Variants in CNTN5 observed in about 807,000 individuals in gnomAD.
CNTN5 encodes contactin 5.
Under a neutral mutation model 129.1 loss-of-function variants are expected in CNTN5, and 77 were observed. The ratio of observed to expected loss-of-function variants is 0.60; its 90% CI spans 0.50 to 0.72. CNTN5 has a LOEUF of 0.72. CNTN5 is among the 30% of genes least tolerant of loss of function. CNTN5 has a pLI of 0.00. For synonymous variants in CNTN5, 509 were observed against 465.6 expected, an observed-to-expected ratio of 1.09 and a Z score of -1.20; for missense variants, 1,478 against 1,328.8, an observed-to-expected ratio of 1.11 and a Z score of -1.75.
At chr11:99,730,235 G>T (rs1200540988) in intron 3 of CNTN5, among the ~76,000 whole-genome samples, 1 of 152,174 alleles carries the variant, frequency 6.6e-6, no homozygotes, top group Non-Finnish European at 1.5e-5. Context: ...GAATTCTGCT[G>T]GAACTGGCTT....
intron 2 of CNTN5, among the ~76,000 whole-genome samples, chr11:99,353,664 C>G (rs1350899323): frequency 6.6e-6 from 1 of 152,194 alleles, no homozygotes; most frequent in African/African-American, 2.4e-5. Flanking sequence ...ATCTATAACT[C>G]AGTTCCACTA....
At chr11:99,994,788 G>T (rs1331907180) in intron 8 of CNTN5, among the ~76,000 whole-genome samples, 2 of 152,314 alleles carry the variant, frequency 1.3e-5, no homozygotes, top group East Asian at 3.9e-4. Flanking sequence ...ACAAGTAAGA[G>T]AGCATTAAAG....
intron 2 of CNTN5, among the ~76,000 whole-genome samples, chr11:99,474,781 A>G (rs7951241): frequency 6.6e-6 from 1 of 152,042 alleles, no homozygotes; most frequent in Admixed American, 6.6e-5. Flanking sequence ...AGGTTTCCAC[A>G]TTTGGTTTTC....
At chr11:99,869,640 C>CA (rs957260015) in intron 6 of CNTN5, among the ~76,000 whole-genome samples, 2 of 151,928 alleles carry the variant, frequency 1.3e-5, no homozygotes, top group Non-Finnish European at 2.9e-5. Context: ...GATTACACAC[C>CA]AAAAAACACA....
intron 1 of CNTN5, among the ~76,000 whole-genome samples, chr11:99,310,325 T>C (rs1196305750): frequency 6.6e-6 from 1 of 152,114 alleles, no homozygotes; most frequent in Middle Eastern, 3.2e-3. Context: ...TCCAAGGAAA[T>C]GTTATGAACT....
intron 1 of CNTN5, among the ~76,000 whole-genome samples, chr11:99,287,509 C>T (rs756841391): frequency 1.3e-5 from 2 of 151,982 alleles, no homozygotes; most frequent in African/African-American, 2.4e-5. Flanking sequence ...AAATTGCCAT[C>T]CTTAAAGCTA....
intron 3 of CNTN5, among the ~76,000 whole-genome samples, chr11:99,738,871 A>G (rs1333962093): frequency 6.6e-6 from 1 of 152,134 alleles, no homozygotes; most frequent in African/African-American, 2.4e-5. Flanking sequence ...GTTTTTTTCT[A>G]TTGTCATGAA....
intron 1 of CNTN5, among the ~76,000 whole-genome samples, chr11:99,148,298 C>A (rs1370410963): frequency 1.3e-5 from 2 of 151,986 alleles, no homozygotes; most frequent in Admixed American, 6.6e-5. Flanking sequence ...CAACTGCTTT[C>A]TCCTCAGTTT....
At chr11:99,160,976 AG>A (rs1455358372) in intron 1 of CNTN5, among the ~76,000 whole-genome samples, 2 of 152,212 alleles carry the variant, frequency 1.3e-5, no homozygotes, top group Non-Finnish European at 2.9e-5. Context: ...CAAGTTTACC[AG>A]GTACAAATCT....
chr11:99,762,993 T>C (rs952801250), intron 3 of CNTN5, among the ~76,000 whole-genome samples: 3 of 152,128 alleles, frequency 2.0e-5, no homozygotes, highest in Non-Finnish European at 4.4e-5. Flanking sequence ...GACTTTGACA[T>C]CCTTATTTGA....
Position 100,154,352 on chromosome 11 carries a change from CAT to C in CNTN5, c.1581-36773_1581-36772del, listed in dbSNP as rs1947164895. On this transcript the variant is annotated intron_variant, in intron 13 of 24. Transcript: ENST00000524871. ...CATTTTCTTTATCCAGTCTATCAAT[CAT>C]TGATGGGCACTTGGGTTGGTTCCAA... 3.5e-5 allele frequency among the ~76,000 whole-genome samples: 5 copies of C among 143,148 alleles called. No individual in the cohort carries two copies. In the Admixed American group the frequency reaches 3.5e-4, roughly 10 times the overall value. The allele number at this position is 143,148 out of a possible 152,430, so 93.9% of individuals were successfully genotyped here. A position where few individuals can be genotyped will look rare whatever the true frequency, so the allele number is the denominator to read the frequency against.
At chr11:100,317,858 A>G (rs1365480681) in intron 21 of CNTN5, among the ~76,000 whole-genome samples, 1 of 152,162 alleles carries the variant, frequency 6.6e-6, no homozygotes, top group East Asian at 1.9e-4. Context: ...GACACAAACC[A>G]TTTTAAGACT....
At chr11:99,190,284 T>C (rs1858570386) in intron 1 of CNTN5, among the ~76,000 whole-genome samples, 1 of 151,732 alleles carries the variant, frequency 6.6e-6, no homozygotes, top group Non-Finnish European at 1.5e-5. Context: ...CCAGGCTGTT[T>C]TGGTTACTAT....
chr11:100,144,385 T>G (rs970767998), intron 13 of CNTN5, among the ~76,000 whole-genome samples: 1 of 152,134 alleles, frequency 6.6e-6, no homozygotes, highest in African/African-American at 2.4e-5. Flanking sequence ...TTCCTTCCAC[T>G]TTTTGGAGTC....
Position 99,626,119 on chromosome 11 carries a change from G to A in CNTN5, c.55+69850G>A, listed in dbSNP as rs368249589. Among the ~76,000 whole-genome samples, 37 of 152,012 alleles carry A rather than the reference G, an allele frequency of 2.4e-4. 1 individual carries two copies. In the South Asian group the frequency reaches 6.7e-3, roughly 27 times the overall value. On this transcript the variant is annotated intron_variant, in intron 3 of 24. Coordinates refer to ENST00000524871, the MANE Select transcript of CNTN5 (RefSeq NM_014361.4). ...GGTGAATGGGAGAATGGAGAGAAGC[G>A]CTGTAGAAATTGCAGGAAGAAGGAG...
chr11:100,271,016 C>T (rs1472297882), intron 17 of CNTN5, 76 bp from the exon 18 acceptor site: 3 of 1,179,360 alleles, frequency 2.5e-6, no homozygotes, highest in African/African-American at 1.5e-5. Flanking sequence ...CTGTCAGTAG[C>T]ATTAATATTC....
At chr11:99,503,224 G>A (rs1482142134) in intron 2 of CNTN5, among the ~76,000 whole-genome samples, 1 of 151,802 alleles carries the variant, frequency 6.6e-6, no homozygotes, top group Non-Finnish European at 1.5e-5. Flanking sequence ...GTCATTCCAT[G>A]CCCACCATGT....
chr11:100,059,338 A>T (rs564229774), intron 9 of CNTN5, among the ~76,000 whole-genome samples: 2 of 152,288 alleles, frequency 1.3e-5, no homozygotes, highest in East Asian at 3.9e-4. Flanking sequence ...AATTTTCTAA[A>T]CACACAAAAA....
At chr11:99,280,870 A>G (rs1863664390) in intron 1 of CNTN5, among the ~76,000 whole-genome samples, 1 of 151,858 alleles carries the variant, frequency 6.6e-6, no homozygotes, top group Non-Finnish European at 1.5e-5. Flanking sequence ...ATTAATAATT[A>G]TTAGTTAATA....
Sources: gnomAD v4.1 joint callset for allele counts (sites outside exome capture counted in the v4.1 genomes callset) on GRCh38, gnomAD v4.1.1 for gene constraint, MANE v1.5 for transcripts, NCBI Gene and HGNC (gene_info 2026-07-23, HGNC 2026-07-21) for gene names.